Variants in CPNE5 observed in about 807,000 individuals in gnomAD.
The protein encoded by CPNE5 is copine-5.
A neutral mutation model predicts 81.1 loss-of-function variants in CPNE5; 42 were observed. The observed-to-expected ratio is 0.52, with a 90% CI of 0.40 to 0.67. The LOEUF is 0.67. CPNE5 is among the 30% of genes least tolerant of loss of function. CPNE5 has a pLI of 0.00. For missense variants in CPNE5, 612 were observed against 815.5 expected (o/e 0.75, Z 3.04); for synonymous variants, 313 against 321.5 (o/e 0.97, Z 0.28).
chr6:36,829,065 C>T (rs1403017194), intron 1 of CPNE5, among the ~76,000 whole-genome samples: 2 of 152,176 alleles, frequency 1.3e-5, no homozygotes, highest in East Asian at 3.8e-4. Flanking sequence ...AAGAATGCTC[C>T]ATATTCCCCC....
intron 1 of CPNE5, among the ~76,000 whole-genome samples, chr6:36,836,096 C>T (rs1395918397): frequency 3.3e-5 from 5 of 152,188 alleles, no homozygotes; most frequent in South Asian, 2.1e-4. Flanking sequence ...CATTCATAAC[C>T]GTTGTGCCAA....
intron 1 of CPNE5, among the ~76,000 whole-genome samples, chr6:36,833,938 T>C (rs1013943939): frequency 6.6e-6 from 1 of 152,056 alleles, no homozygotes; most frequent in African/African-American, 2.4e-5. Context: ...AAGTATTATG[T>C]GAGGCCAGGT....
At chr6:36,838,174 C>T (rs1657772644) in intron 1 of CPNE5, among the ~76,000 whole-genome samples, 2 of 152,296 alleles carry the variant, frequency 1.3e-5, no homozygotes, top group South Asian at 2.1e-4. Flanking sequence ...CTCATCAATG[C>T]CACAACTTTG....
intron 3 of CPNE5, among the ~76,000 whole-genome samples, chr6:36,805,329 C>T (rs1409249428): frequency 6.6e-6 from 1 of 152,246 alleles, no homozygotes; most frequent in Non-Finnish European, 1.5e-5. Flanking sequence ...GCAGCCAGCC[C>T]TGTTCATTCT....
intron 8 of CPNE5, among the ~76,000 whole-genome samples, chr6:36,787,704 C>T (rs1288098707): frequency 6.6e-6 from 1 of 152,102 alleles, no homozygotes; most frequent in African/African-American, 2.4e-5. Flanking sequence ...TACATGAGCA[C>T]GCTGGTGACA....
At chr6:36,828,565 G>T (rs190424969) in intron 1 of CPNE5, among the ~76,000 whole-genome samples, 1 of 152,336 alleles carries the variant, frequency 6.6e-6, no homozygotes. Flanking sequence ...TTTGGCTTCA[G>T]CATAGAAAGA....
In CPNE5 at chr6:36,778,839, C is replaced by A; in HGVS notation, c.632+15G>T. ...ACGAGAAGGTGCAGTGCACAAGTGT[C>A]CCCAGAAAACTCACGTTCCATCCTC... On this transcript the variant is annotated intron_variant, in intron 9 of 20. Coordinates refer to ENST00000244751, the MANE Select transcript of CPNE5 (RefSeq NM_020939.2). 1 of 1,538,220 alleles carries A rather than the reference C, an allele frequency of 6.5e-7. No homozygotes were observed. Among genetic ancestry groups the A allele is most frequent in the Middle Eastern group, 1.7e-4 (1 of 5,876 alleles).
intron 1 of CPNE5, among the ~76,000 whole-genome samples, chr6:36,836,895 C>T (rs1211607431): frequency 6.6e-6 from 1 of 152,186 alleles, no homozygotes; most frequent in East Asian, 1.9e-4. Flanking sequence ...TCTCTCCCCA[C>T]CAAAACCCAC....
intron 7 of CPNE5, chr6:36,792,407 C>T: frequency 7.0e-7 from 1 of 1,431,740 alleles, no homozygotes; most frequent in Non-Finnish European, 9.3e-7. Context: ...CGGAGGCTTC[C>T]AGACCAGTGG....
In CPNE5 at chr6:36,765,326, C is replaced by T; in HGVS notation, c.779+9G>A. On this transcript the variant is annotated intron_variant, in intron 11 of 20. Transcript: ENST00000244751. ...TCACCTTCTCGCCCCTGCCCTCCTG[C>T]CTGCTTACCTGCCGTCCCGATCCCA... 6.2e-7 allele frequency: 1 copy of T among 1,613,954 alleles called. No homozygotes were observed. Among genetic ancestry groups the T allele is most frequent in the South Asian group, 1.1e-5 (1 of 91,088 alleles).
At chr6:36,796,957 T>C (rs1308690766) in intron 6 of CPNE5, among the ~76,000 whole-genome samples, 1 of 152,108 alleles carries the variant, frequency 6.6e-6, no homozygotes, top group Non-Finnish European at 1.5e-5. Flanking sequence ...GTTGCCCAGG[T>C]TGGAGTACAG....
chr6:36,822,455 C>T (rs532400564), intron 2 of CPNE5, among the ~76,000 whole-genome samples: 3 of 152,124 alleles, frequency 2.0e-5, no homozygotes, highest in African/African-American at 7.2e-5. Flanking sequence ...GAAGGGGCAA[C>T]CTTTAGGAGA....
At chr6:36,793,737 C>A (rs1769306106) in intron 7 of CPNE5, among the ~76,000 whole-genome samples, 1 of 152,190 alleles carries the variant, frequency 6.6e-6, no homozygotes, top group Non-Finnish European at 1.5e-5. Flanking sequence ...CCGGGCCCGC[C>A]GGAGGCCCCT....
At chr6:36,761,552 T>TC (rs1766028162) in intron 12 of CPNE5, among the ~76,000 whole-genome samples, 1 of 152,132 alleles carries the variant, frequency 6.6e-6, no homozygotes, top group African/African-American at 2.4e-5. Context: ...GGCCAGCTCT[T>TC]CAACTTTGCT....
At chr6:36,797,398 G>A (rs933412289) in intron 6 of CPNE5, among the ~76,000 whole-genome samples, 2 of 152,196 alleles carry the variant, frequency 1.3e-5, no homozygotes, top group Non-Finnish European at 2.9e-5. Context: ...AGTTAAATTA[G>A]TTTATTTAAA....
At chr6:36,798,019 C>T in intron 6 of CPNE5, 146 bp downstream of exon 6, 1 of 643,096 alleles carries the variant, frequency 1.6e-6, no homozygotes, top group South Asian at 1.9e-5. Context: ...CCTGTGAGAG[C>T]AGTGAGGCAT....
chr6:36,790,798 C>A (rs1016590224), intron 8 of CPNE5, among the ~76,000 whole-genome samples: 1 of 152,152 alleles, frequency 6.6e-6, no homozygotes, highest in Non-Finnish European at 1.5e-5. Flanking sequence ...CCGCCTCGGC[C>A]TCCCAAAGTG....
chr6:36,763,895 G>T (rs183164968), intron 11 of CPNE5, among the ~76,000 whole-genome samples: 1 of 152,274 alleles, frequency 6.6e-6, no homozygotes, highest in East Asian at 1.9e-4. Context: ...AGTGTTTTCT[G>T]CAGTGCCCAC....
At chr6:36,767,352 G>T (rs1370560854) in intron 10 of CPNE5, among the ~76,000 whole-genome samples, 2 of 152,162 alleles carry the variant, frequency 1.3e-5, no homozygotes, top group Non-Finnish European at 2.9e-5. Context: ...TGCTGTATGT[G>T]TTCCGGAGTG....
Sources: gnomAD v4.1 joint callset for allele counts (sites outside exome capture counted in the v4.1 genomes callset) on GRCh38, gnomAD v4.1.1 for gene constraint, MANE v1.5 for transcripts, NCBI Gene and HGNC (gene_info 2026-07-23, HGNC 2026-07-21) for gene names.